MYH10: variants seen among roughly 807,000 people sequenced by gnomAD.
MYH10 encodes the protein myosin heavy chain 10.
In MYH10, 55 loss-of-function variants were observed where a neutral mutation model predicts 257.8. The ratio of observed to expected loss-of-function variants is 0.21; its 90% CI spans 0.17 to 0.27. MYH10 has a LOEUF of 0.27. Ranked by LOEUF, MYH10 falls within the 10% of genes least tolerant of loss-of-function variation. The pLI is 1.00. For missense variants in MYH10, 1,631 were observed against 2,500.6 expected, an observed-to-expected ratio of 0.65 and a Z score of 7.42; for synonymous variants, 854 against 921.7, an observed-to-expected ratio of 0.93 and a Z score of 1.33.
chr17:8,496,934 G>T (rs79533238), intron 30 of MYH10, among the ~76,000 whole-genome samples: 3,704 of 152,272 alleles, frequency 0.024, 156 homozygotes, highest in African/African-American at 0.085. Context: ...GGCAAGAGGT[G>T]CCTATGTAAC....
intron 2 of MYH10, among the ~76,000 whole-genome samples, chr17:8,620,563 TTA>T (rs1190877095): frequency 6.0e-5 from 9 of 150,320 alleles, no homozygotes; most frequent in African/African-American, 2.3e-4. Flanking sequence ...TTAAATAAAT[TTA>T]TGTTATATCT....
intron 16 of MYH10, among the ~76,000 whole-genome samples, chr17:8,531,775 T>C (rs2082010127): frequency 6.6e-6 from 1 of 152,226 alleles, no homozygotes; most frequent in Admixed American, 6.5e-5. Flanking sequence ...CATATATTCA[T>C]CTATTCATGT....
At chr17:8,568,808 G>A (rs1284620299) in intron 7 of MYH10, among the ~76,000 whole-genome samples, 1 of 151,948 alleles carries the variant, frequency 6.6e-6, no homozygotes, top group Non-Finnish European at 1.5e-5. Context: ...AAGGGGCAGT[G>A]TCTCTGACGT....
At position 8,535,009 on chromosome 17, in the gene MYH10, G is replaced by A. The variant is rs1297007317; in HGVS notation, c.1894+378C>T. ...CGGGTGCGGGTGGTGAGGAAGGACG[G>A]AGCTCAGCAGGCCTGACACAGGGAA... On this transcript the variant is annotated intron_variant, in intron 16 of 42. Transcript: ENST00000360416. The surrounding 1 kb of genome is among the most constrained non-coding windows in gnomAD (Gnocchi z 4.3). 2.0e-5 allele frequency among the ~76,000 whole-genome samples: 3 copies of A among 152,186 alleles called. No homozygotes were observed. Among genetic ancestry groups the A allele is most frequent in the African/African-American group, 7.2e-5 (3 of 41,458 alleles).
At chr17:8,485,457 CTT>C (rs138894418) in intron 36 of MYH10, among the ~76,000 whole-genome samples, 40 of 121,118 alleles carry the variant, frequency 3.3e-4, no homozygotes, top group Middle Eastern at 4.5e-3. Context: ...CCCAAGCTGG[CTT>C]TTTTTTTTTT....
chr17:8,572,587 G>A (rs1370504967), intron 6 of MYH10, among the ~76,000 whole-genome samples: 1 of 152,086 alleles, frequency 6.6e-6, no homozygotes, highest in Non-Finnish European at 1.5e-5. Flanking sequence ...TGTGGCCCAG[G>A]GAAGCCAAAA....
At chr17:8,495,991 G>A (rs537031427) in intron 30 of MYH10, among the ~76,000 whole-genome samples, 3 of 152,260 alleles carry the variant, frequency 2.0e-5, no homozygotes, top group African/African-American at 7.2e-5. Flanking sequence ...TGACAGATGT[G>A]AGCCACCACA....
At chr17:8,630,035 C>T (rs964113758) in intron 1 of MYH10, among the ~76,000 whole-genome samples, 4 of 152,018 alleles carry the variant, frequency 2.6e-5, no homozygotes, top group African/African-American at 9.7e-5. Context: ...CCTTCCAAGC[C>T]CATGGTGAAC....
Position 8,548,772 on chromosome 17 carries a change from T to C in MYH10, c.935A>G (p.Glu312Gly). Reference protein sequence around the residue: ...GEHLKSDLLLEGFNNYRFLSN... With the variant: ...GEHLKSDLLLGGFNNYRFLSN... ...GAGAAACCTGTAGTTATTAAATCCT[T>C]CAAGAAGCAAATCAGCTAAAAGGAA... Residue 312 changes from glutamate to glycine, a missense_variant, in exon 10 of 43, where the codon GAA becomes GGA. Around this residue, in one of 11 missense-constraint regions of MYH10, gnomAD observed 360 missense variants for 581.9 expected, o/e 0.62. Transcript: ENST00000360416. The C allele has an allele frequency of 6.2e-7, 1 of 1,611,368 alleles. No individual in the cohort carries two copies. The highest frequency in any genetic ancestry group is 8.5e-7 in the Non-Finnish European group (1 of 1,178,008).
At chr17:8,505,031 C>T (rs567354392) in intron 27 of MYH10, 125 bp from the exon 28 acceptor site, 1 of 794,812 alleles carries the variant, frequency 1.3e-6, no homozygotes, top group African/African-American at 1.7e-5. Flanking sequence ...CCTCCTGGGG[C>T]CTGAGGCTGG....
chr17:8,515,137 T>C (rs139846532), intron 21 of MYH10, among the ~76,000 whole-genome samples: 98 of 152,290 alleles, frequency 6.4e-4, no homozygotes, highest in African/African-American at 2.2e-3. Flanking sequence ...GTTGAGTAAA[T>C]TAACTGGGTA....
chr17:8,501,407 G>A (rs983700223), intron 28 of MYH10, among the ~76,000 whole-genome samples: 17 of 152,166 alleles, frequency 1.1e-4, no homozygotes, highest in African/African-American at 3.6e-4. Flanking sequence ...TGGTTTCACC[G>A]GAGGTCAGGA....
chr17:8,576,848 A>G (rs2083517451), intron 5 of MYH10, among the ~76,000 whole-genome samples, 176 bp from the exon 6 acceptor site: 1 of 152,080 alleles, frequency 6.6e-6, no homozygotes, highest in Non-Finnish European at 1.5e-5. Flanking sequence ...ATTAAGGAGA[A>G]CTGACATTTC....
chr17:8,576,774 G>A (rs991704336), intron 5 of MYH10, 102 bp from the exon 6 acceptor site: 5 of 1,133,184 alleles, frequency 4.4e-6, no homozygotes, highest in Non-Finnish European at 6.4e-6. Context: ...GTTGAGAACT[G>A]TGGAAGCTGG....
intron 38 of MYH10, 143 bp downstream of exon 38, chr17:8,481,179 G>C (rs1375347211): frequency 6.1e-6 from 4 of 657,140 alleles, no homozygotes; most frequent in Non-Finnish European, 1.0e-5. Context: ...GGACTGGCAC[G>C]GGGTACCATG....
At chr17:8,559,839 T>C (rs1309763004) in intron 7 of MYH10, among the ~76,000 whole-genome samples, 2 of 152,184 alleles carry the variant, frequency 1.3e-5, no homozygotes, top group Admixed American at 6.6e-5. Context: ...CCACAAATAA[T>C]TTTAAACAGC....
At chr17:8,601,165 T>C (rs961580912) in intron 3 of MYH10, among the ~76,000 whole-genome samples, 5 of 152,204 alleles carry the variant, frequency 3.3e-5, no homozygotes, top group African/African-American at 9.6e-5. Flanking sequence ...CCGGGGTTGG[T>C]AGCAGTGTTG....
At chr17:8,531,043 T>C (rs1309321420) in intron 16 of MYH10, among the ~76,000 whole-genome samples, 2 of 152,214 alleles carry the variant, frequency 1.3e-5, no homozygotes, top group Non-Finnish European at 2.9e-5. Context: ...GCTTAGGGCA[T>C]GACTGCAGTG....
At chr17:8,494,369 T>G (rs937955019) in intron 31 of MYH10, among the ~76,000 whole-genome samples, 1 of 152,242 alleles carries the variant, frequency 6.6e-6, no homozygotes, top group African/African-American at 2.4e-5. Flanking sequence ...CCTGTTACTT[T>G]CAGACTGCAA....
Sources: gnomAD v4.1 joint callset for allele counts (sites outside exome capture counted in the v4.1 genomes callset) on GRCh38, gnomAD v4.1.1 for gene constraint, gnomAD v4.1.1 regional missense constraint, Gnocchi (gnomAD v3.1) non-coding constraint, MANE v1.5 for transcripts, NCBI Gene and HGNC (gene_info 2026-07-23, HGNC 2026-07-21) for gene names.